Variants in PCDH15 observed in about 807,000 individuals in gnomAD.
PCDH15 encodes the protein protocadherin-15.
PCDH15 carries 129 observed loss-of-function variants against 178.5 expected under a neutral mutation model. The observed-to-expected ratio is 0.72, with a 90% CI of 0.63 to 0.84. PCDH15 has a LOEUF of 0.84. Among genes scored for constraint, PCDH15 ranks in the 40% least tolerant of loss-of-function variants. The pLI, the probability that PCDH15 is intolerant of heterozygous loss-of-function variation, is 0.00. For missense variants in PCDH15, 2,230 were observed against 2,099.9 expected (o/e 1.06, Z -1.21); for synonymous variants, 800 against 732.0 (o/e 1.09, Z -1.50).
intron 2 of PCDH15, among the ~76,000 whole-genome samples, chr10:54,553,780 C>G (rs1416177141): frequency 1.3e-5 from 2 of 152,032 alleles, no homozygotes. Context: ...TTTATGTTAT[C>G]CAAGAACCTC....
intron 3 of PCDH15, among the ~76,000 whole-genome samples, chr10:54,468,871 G>T (rs1472532079): frequency 6.6e-6 from 1 of 151,934 alleles, no homozygotes; most frequent in Non-Finnish European, 1.5e-5. Flanking sequence ...ATATTCTTTT[G>T]CTGAATTTAT....
chr10:54,507,035 A>G (rs75929416), intron 3 of PCDH15, among the ~76,000 whole-genome samples: 2,156 of 151,964 alleles, frequency 0.014, 50 homozygotes, highest in African/African-American at 0.047. Flanking sequence ...ACACAATTCT[A>G]ATTTTTGCCT....
At chr10:54,180,504 C>T (rs1231435254) in intron 13 of PCDH15, among the ~76,000 whole-genome samples, 3 of 152,146 alleles carry the variant, frequency 2.0e-5, no homozygotes, top group Non-Finnish European at 2.9e-5. Context: ...ACTTTTGTTT[C>T]TGACACTTTC....
At chr10:53,881,314 G>A (rs1192415017) in intron 26 of PCDH15, among the ~76,000 whole-genome samples, 5 of 152,058 alleles carry the variant, frequency 3.3e-5, no homozygotes, top group Admixed American at 2.0e-4. Context: ...AAGGTGGGAG[G>A]GTGGGAGAGG....
rs569670774 is a variant in PCDH15, at chr10:53,913,700, C to T, written c.3374-10330G>A. Reference sequence around the variant, plus strand: ...CAGAGCTTGCAGTGAGCCAAGATGGCGCCACTGCACTCCAGCCTGGATGAC... The same window carrying T: ...CAGAGCTTGCAGTGAGCCAAGATGGTGCCACTGCACTCCAGCCTGGATGAC... On this transcript the variant is annotated intron_variant, in intron 25 of 37. Transcript: ENST00000644397. Among the ~76,000 whole-genome samples, 357 of 151,110 alleles carry T rather than the reference C, an allele frequency of 2.4e-3. 2 individuals are homozygous for T. The highest frequency in any genetic ancestry group is 7.9e-3 in the African/African-American group (324 of 41,162).
chr10:54,725,016 T>C (rs1012424147), intron 1 of PCDH15, among the ~76,000 whole-genome samples: 2 of 151,386 alleles, frequency 1.3e-5, no homozygotes, highest in African/African-American at 4.8e-5. Flanking sequence ...ACATATATAT[T>C]ACATACACAT....
intron 1 of PCDH15, among the ~76,000 whole-genome samples, chr10:54,688,561 A>G (rs1481314571): frequency 6.6e-6 from 1 of 152,158 alleles, no homozygotes; most frequent in Non-Finnish European, 1.5e-5. Flanking sequence ...TGAAAAATAC[A>G]TAGGATTAAT....
intron 1 of PCDH15, among the ~76,000 whole-genome samples, chr10:55,273,424 T>C (rs1469882442): frequency 6.6e-6 from 1 of 152,132 alleles, no homozygotes; most frequent in Non-Finnish European, 1.5e-5. Context: ...TGTCTTAATA[T>C]AGGAGGTAAT....
intron 23 of PCDH15, among the ~76,000 whole-genome samples, chr10:53,955,940 C>G (rs1050491344): frequency 3.3e-5 from 5 of 151,898 alleles, no homozygotes; most frequent in Non-Finnish European, 7.4e-5. Context: ...TCTAAAGCAG[C>G]CTGAAATGGC....
At chr10:54,640,739 A>G (rs955130808) in intron 2 of PCDH15, among the ~76,000 whole-genome samples, 3 of 151,796 alleles carry the variant, frequency 2.0e-5, no homozygotes, top group African/African-American at 7.3e-5. Flanking sequence ...GAAGAATTAG[A>G]AAAAGAAAAA....
intron 37 of PCDH15, chr10:53,809,362 A>G: frequency 6.2e-7 from 1 of 1,613,960 alleles, no homozygotes; most frequent in Non-Finnish European, 8.5e-7. Context: ...CTCAAGGTCA[A>G]CGATTCCTCT....
At chr10:53,907,309 T>C (rs1165800337) in intron 25 of PCDH15, 2 of 152,138 alleles carry the variant, frequency 1.3e-5, no homozygotes, top group East Asian at 3.9e-4. Context: ...CTTTATTTAA[T>C]GTAGACATCA....
chr10:55,577,828 AT>A (rs772967797), intron 2 of PCDH15, among the ~76,000 whole-genome samples: 67 of 152,210 alleles, frequency 4.4e-4, no homozygotes, highest in Non-Finnish European at 6.5e-4. Context: ...ATATAAAAAA[AT>A]AAGAATCATA....
At chr10:54,837,177 T>C (rs1953331437) in intron 3 of PCDH15, among the ~76,000 whole-genome samples, 1 of 152,054 alleles carries the variant, frequency 6.6e-6, no homozygotes, top group Non-Finnish European at 1.5e-5. Context: ...TTTTTCAAAG[T>C]TAGAATCAAA....
At chr10:55,626,210 C>T (rs1293925556) in intron 2 of PCDH15, among the ~76,000 whole-genome samples, 1 of 151,880 alleles carries the variant, frequency 6.6e-6, no homozygotes, top group Non-Finnish European at 1.5e-5. Flanking sequence ...AAGCACAAAG[C>T]AGCAGCAGCA....
chr10:55,446,318 T>TATAC (rs1327666265), intron 2 of PCDH15, among the ~76,000 whole-genome samples: 3 of 151,520 alleles, frequency 2.0e-5, no homozygotes, highest in Non-Finnish European at 4.4e-5. Context: ...TGTGTATATA[T>TATAC]ATATATATAA....
At chr10:54,433,643 G>A (rs2075169742) in intron 3 of PCDH15, among the ~76,000 whole-genome samples, 1 of 151,200 alleles carries the variant, frequency 6.6e-6, no homozygotes, top group African/African-American at 2.4e-5. Context: ...CTCAACAGAG[G>A]GACTATAGTC....
chr10:55,150,871 T>C (rs1335665305), intron 2 of PCDH15, among the ~76,000 whole-genome samples: 1 of 152,086 alleles, frequency 6.6e-6, no homozygotes, highest in Admixed American at 6.6e-5. Context: ...CAGTTACATT[T>C]TGAAGCTGTT....
chr10:54,222,877 C>T (rs1208291756), intron 9 of PCDH15, among the ~76,000 whole-genome samples: 2 of 152,202 alleles, frequency 1.3e-5, no homozygotes, highest in African/African-American at 4.8e-5. Context: ...TTGTTGGATA[C>T]ATTTCGCAAA....
Sources: allele counts gnomAD v4.1 joint callset (sites outside exome capture counted in the v4.1 genomes callset), GRCh38; gene constraint gnomAD v4.1.1; transcripts MANE v1.5; gene names NCBI Gene and HGNC (gene_info 2026-07-23, HGNC 2026-07-21).